The following NXPH1 variants were observed in gnomAD, a reference collection of about 807,000 sequenced individuals.
NXPH1 encodes the protein neurexophilin 1.
Under a neutral mutation model 23.7 loss-of-function variants are expected in NXPH1, and 5 were observed. That is an observed-to-expected ratio of 0.21 (90% CI 0.11 to 0.44). NXPH1 has a LOEUF of 0.44. Ranked by LOEUF, NXPH1 falls within the 20% of genes least tolerant of loss-of-function variation. The pLI, the probability that NXPH1 is intolerant of heterozygous loss-of-function variation, is 0.99. For synonymous variants in NXPH1, 144 were observed against 122.2 expected, an observed-to-expected ratio of 1.18 and a Z score of -1.18; for missense variants, 324 against 321.6, an observed-to-expected ratio of 1.01 and a Z score of -0.06.
intron 2 of NXPH1, among the ~76,000 whole-genome samples, chr7:8,572,834 C>T (rs1164771450): frequency 1.3e-5 from 2 of 151,204 alleles, no homozygotes; most frequent in Non-Finnish European, 3.0e-5. Context: ...ATTATGAGGC[C>T]ACAGAGAAAT....
chr7:8,514,725 C>A (rs900428691), intron 2 of NXPH1, among the ~76,000 whole-genome samples: 12 of 152,082 alleles, frequency 7.9e-5, no homozygotes, highest in Admixed American at 6.6e-5. Flanking sequence ...AGACACTGTG[C>A]AAGACTGCAT....
intron 2 of NXPH1, among the ~76,000 whole-genome samples, chr7:8,745,719 ATTT>A (rs56019801): frequency 4.5e-5 from 5 of 111,822 alleles, no homozygotes; most frequent in Non-Finnish European, 3.5e-5. Context: ...CGCCCAGCTA[ATTT>A]TTTTTTTTTT....
At chr7:8,554,073 T>G (rs145299946) in intron 2 of NXPH1, among the ~76,000 whole-genome samples, 2 of 151,794 alleles carry the variant, frequency 1.3e-5, no homozygotes, top group East Asian at 3.9e-4. Flanking sequence ...GTACACAAAC[T>G]GATTACAGGT....
At chr7:8,729,965 G>A (rs1389928709) in intron 2 of NXPH1, among the ~76,000 whole-genome samples, 1 of 144,906 alleles carries the variant, frequency 6.9e-6, no homozygotes, top group African/African-American at 2.5e-5. Context: ...TTATTAATGT[G>A]TGGGAGTCTA....
chr7:8,602,157 T>C (rs1316848657), intron 2 of NXPH1, among the ~76,000 whole-genome samples: 1 of 152,232 alleles, frequency 6.6e-6, no homozygotes, highest in Non-Finnish European at 1.5e-5. Flanking sequence ...AGTTAAATTC[T>C]GTTACTCAAA....
intron 2 of NXPH1, among the ~76,000 whole-genome samples, chr7:8,661,521 G>C (rs572351638): frequency 6.6e-6 from 1 of 152,060 alleles, no homozygotes; most frequent in Non-Finnish European, 1.5e-5. Flanking sequence ...GTCTGAAGTG[G>C]TAAGCAGAAA....
chr7:8,570,040 C>A (rs1027494781), intron 2 of NXPH1, among the ~76,000 whole-genome samples: 3 of 151,984 alleles, frequency 2.0e-5, no homozygotes, highest in Admixed American at 2.0e-4. Flanking sequence ...TAAAGTGGAG[C>A]TGTTACTGTC....
intron 2 of NXPH1, among the ~76,000 whole-genome samples, chr7:8,606,309 C>T (rs144758829): frequency 1.7e-3 from 265 of 152,212 alleles, no homozygotes; most frequent in Middle Eastern, 6.8e-3. Flanking sequence ...AAACTCTTCT[C>T]CTTTTCCCCA....
chr7:8,749,240 G>T (rs1780523601), intron 2 of NXPH1, among the ~76,000 whole-genome samples: 1 of 152,224 alleles, frequency 6.6e-6, no homozygotes. Context: ...TACCTGTTTA[G>T]CTCACTCAAT....
intron 2 of NXPH1, among the ~76,000 whole-genome samples, chr7:8,684,327 A>G (rs1464708519): frequency 1.3e-5 from 2 of 152,134 alleles, no homozygotes; most frequent in African/African-American, 2.4e-5. Flanking sequence ...GACTTTTGAC[A>G]TGGTATCCTG....
At chr7:8,731,184 A>G (rs1010201344) in intron 2 of NXPH1, among the ~76,000 whole-genome samples, 1 of 151,882 alleles carries the variant, frequency 6.6e-6, no homozygotes, top group Non-Finnish European at 1.5e-5. Context: ...CTTGGTTTTC[A>G]GCTCCATCAG....
chr7:8,508,867 TATTA>T (rs1230372028), intron 2 of NXPH1, among the ~76,000 whole-genome samples: 1 of 152,110 alleles, frequency 6.6e-6, no homozygotes, highest in Non-Finnish European at 1.5e-5. Context: ...AGTCTGAGAC[TATTA>T]ATTTTATGCC....
chr7:8,493,155 A>G (rs1817279558), intron 2 of NXPH1, among the ~76,000 whole-genome samples: 1 of 151,880 alleles, frequency 6.6e-6, no homozygotes, highest in South Asian at 2.1e-4. Flanking sequence ...GACCTAGAAT[A>G]TATTTGCCAT....
chr7:8,741,490 A>G (rs1316692853), intron 2 of NXPH1, among the ~76,000 whole-genome samples: 1 of 152,112 alleles, frequency 6.6e-6, no homozygotes, highest in Non-Finnish European at 1.5e-5. Flanking sequence ...ATTGTTTTCC[A>G]TAATCTCTCT....
At chr7:8,729,043 C>A (rs1780104680) in intron 2 of NXPH1, among the ~76,000 whole-genome samples, 1 of 151,968 alleles carries the variant, frequency 6.6e-6, no homozygotes, top group African/African-American at 2.4e-5. Context: ...TTCAGAGATT[C>A]AACTTCTTCC....
chr7:8,708,209 T>C (rs1033291637), intron 2 of NXPH1, among the ~76,000 whole-genome samples: 4 of 152,342 alleles, frequency 2.6e-5, no homozygotes, highest in African/African-American at 7.2e-5. Context: ...AGGAACCTGA[T>C]GTCTGTTAGT....
chr7:8,655,723 A>T (rs1200006111), intron 2 of NXPH1, among the ~76,000 whole-genome samples: 2 of 152,160 alleles, frequency 1.3e-5, no homozygotes, highest in Non-Finnish European at 2.9e-5. Context: ...CAGTTCAAGA[A>T]GAGTTCACAG....
At chr7:8,724,060 G>A (rs1780010210) in intron 2 of NXPH1, among the ~76,000 whole-genome samples, 1 of 152,118 alleles carries the variant, frequency 6.6e-6, no homozygotes, top group African/African-American at 2.4e-5. Context: ...TCAGGAATAG[G>A]GCCCACAATA....
intron 2 of NXPH1, among the ~76,000 whole-genome samples, chr7:8,490,410 GTTT>G (rs576239702): frequency 9.3e-5 from 13 of 139,804 alleles, no homozygotes; most frequent in African/African-American, 3.3e-4. Flanking sequence ...TACACAGGCT[GTTT>G]TTTTTTTTTT....
Sources: gnomAD v4.1 joint callset for allele counts (sites outside exome capture counted in the v4.1 genomes callset) on GRCh38, gnomAD v4.1.1 for gene constraint, MANE v1.5 for transcripts, NCBI Gene and HGNC (gene_info 2026-07-23, HGNC 2026-07-21) for gene names.